Variants in SERGEF observed in about 807,000 individuals in gnomAD.
The protein encoded by SERGEF is secretion-regulating guanine nucleotide exchange factor.
In SERGEF, 51 loss-of-function variants were observed where a neutral mutation model predicts 50.0. The observed-to-expected ratio is 1.02, with a 90% CI of 0.81 to 1.29. The LOEUF (loss-of-function observed/expected upper bound fraction) is 1.29. Ranked by LOEUF, SERGEF falls within the 50% of genes most tolerant of loss-of-function variation. The pLI is 0.00. For missense variants in SERGEF, 521 were observed against 557.0 expected, an observed-to-expected ratio of 0.94 and a Z score of 0.65; for synonymous variants, 205 against 212.4, an observed-to-expected ratio of 0.97 and a Z score of 0.30.
In SERGEF at chr11:17,991,759, G is replaced by A. The variant is rs34614478; in HGVS notation, c.685+1172C>T. Among the ~76,000 whole-genome samples, 17,404 of 152,122 alleles carry A rather than the reference G, an allele frequency of 0.11. 1,309 individuals are homozygous for A. The highest frequency in any genetic ancestry group is 0.22 in the Middle Eastern group (66 of 294). On this transcript the variant is annotated intron_variant, in intron 7 of 10. Transcript: ENST00000265965. The surrounding 1 kb of genome is among the most constrained non-coding windows in gnomAD (Gnocchi z 4.9). ...TTTAAACTTTCATATTATGGCTCCC[G>A]TGCTCTTGAAATAACAACTTCTCAG...
At chr11:17,802,304 C>T (rs1166071190) in intron 10 of SERGEF, among the ~76,000 whole-genome samples, 17 of 152,160 alleles carry the variant, frequency 1.1e-4, no homozygotes, top group Admixed American at 1.1e-3. Context: ...AATAAATACA[C>T]AAATGAAGAT....
At chr11:17,840,757 TC>T (rs1283355746) in intron 10 of SERGEF, among the ~76,000 whole-genome samples, 1 of 152,162 alleles carries the variant, frequency 6.6e-6, no homozygotes, top group African/African-American at 2.4e-5. Flanking sequence ...AGTCAGCAGC[TC>T]AGCATCCTAG....
chr11:17,818,428 C>G (rs1231523302), intron 10 of SERGEF, among the ~76,000 whole-genome samples: 1 of 152,146 alleles, frequency 6.6e-6, no homozygotes, highest in Non-Finnish European at 1.5e-5. Flanking sequence ...GGGCTCCATA[C>G]ATATGTACCT....
chr11:17,837,405 C>T (rs1401103777), intron 10 of SERGEF, among the ~76,000 whole-genome samples: 3 of 151,810 alleles, frequency 2.0e-5, no homozygotes, highest in Admixed American at 6.6e-5. Context: ...AGATCCCTAA[C>T]GAATAGTTGG....
intron 10 of SERGEF, among the ~76,000 whole-genome samples, chr11:17,808,353 A>G (rs957482691): frequency 6.6e-6 from 1 of 152,226 alleles, no homozygotes; most frequent in Non-Finnish European, 1.5e-5. Flanking sequence ...GAAGCTTCCA[A>G]TCATGGTGGA....
chr11:17,880,609 T>G (rs1354817338), intron 9 of SERGEF, among the ~76,000 whole-genome samples: 2 of 152,182 alleles, frequency 1.3e-5, no homozygotes, highest in Non-Finnish European at 2.9e-5. Flanking sequence ...TTCTTTTTCT[T>G]TTTTTCTATA....
At chr11:17,871,634 C>A (rs1851139481) in intron 10 of SERGEF, among the ~76,000 whole-genome samples, 1 of 152,040 alleles carries the variant, frequency 6.6e-6, no homozygotes, top group African/African-American at 2.4e-5. Flanking sequence ...AGTCTTCGGA[C>A]TTAAGTCTTT....
rs1353461515 is a variant in SERGEF, at chr11:18,010,238, AG to A, written c.61-2163del. 77 of 438,062 alleles carry A rather than the reference AG, an allele frequency of 1.8e-4. 1 individual carries two copies. In the South Asian group the frequency reaches 2.1e-3, roughly 12 times the overall value. 27.1% of individuals were successfully genotyped at this position (438,062 alleles called of 1,614,324 possible). A position where few individuals can be genotyped will look rare whatever the true frequency, so the allele number is the denominator to read the frequency against. ...TCCTTCCCCTTGTAGTCTATTTCAC[AG>A]CCATCCTGGGCTGCAAGGACTCAAA... On this transcript the variant is annotated intron_variant, in intron 1 of 10. Transcript: ENST00000265965.
At chr11:17,941,844 T>A (rs984061462) in intron 9 of SERGEF, among the ~76,000 whole-genome samples, 2 of 152,194 alleles carry the variant, frequency 1.3e-5, no homozygotes, top group South Asian at 4.1e-4. Flanking sequence ...TTGGGTGGTA[T>A]CTCATTGTGG....
chr11:17,877,435 C>T (rs1201390821), intron 10 of SERGEF, among the ~76,000 whole-genome samples: 3 of 152,326 alleles, frequency 2.0e-5, no homozygotes, highest in East Asian at 1.9e-4. Flanking sequence ...ATTCTATGTG[C>T]TTTACATAAC....
intron 8 of SERGEF, among the ~76,000 whole-genome samples, chr11:17,967,249 G>C (rs978890932): frequency 3.9e-5 from 6 of 152,218 alleles, no homozygotes; most frequent in Non-Finnish European, 7.3e-5. Flanking sequence ...ACCAGAGTCA[G>C]TGCCCTCAGT....
At chr11:17,896,760 G>GAAGGATAAGGGAAGGGT (rs1231571530) in intron 9 of SERGEF, among the ~76,000 whole-genome samples, 5 of 60,114 alleles carry the variant, frequency 8.3e-5, no homozygotes, top group South Asian at 7.5e-4. Flanking sequence ...AAGGGTAAGG[G>GAAGGATAAGGGAAGGGT]AAGGGAAGGG....
intron 10 of SERGEF, among the ~76,000 whole-genome samples, chr11:17,836,988 T>G (rs1469086914): frequency 6.6e-6 from 1 of 152,190 alleles, no homozygotes; most frequent in Non-Finnish European, 1.5e-5. Flanking sequence ...AATGAATGAA[T>G]CATTCAGAAA....
At position 17,948,594 on chromosome 11, in the gene SERGEF, C is replaced by T. The variant is rs1285897783; in HGVS notation, c.1011+10876G>A. Among the ~76,000 whole-genome samples, 3 of 152,174 alleles carry T rather than the reference C, an allele frequency of 2.0e-5. No individual in the cohort carries two copies. The East Asian group carries it at 5.8e-4, about 29-fold the overall frequency. On this transcript the variant is annotated intron_variant, in intron 9 of 10. Transcript: ENST00000265965. ...TTTGAAGCGAGGGACTTTCCTCAGC[C>T]AGTCTTGGGAGTGCTGCTTACAGTG...
At chr11:17,973,173 A>C (rs1318750916) in intron 8 of SERGEF, among the ~76,000 whole-genome samples, 1 of 152,144 alleles carries the variant, frequency 6.6e-6, no homozygotes, top group Non-Finnish European at 1.5e-5. Flanking sequence ...GCACGCCTAA[A>C]CCTGCAGAGG....
chr11:17,962,106 T>C (rs1278654521), intron 8 of SERGEF, among the ~76,000 whole-genome samples: 2 of 152,246 alleles, frequency 1.3e-5, no homozygotes, highest in Non-Finnish European at 2.9e-5. Context: ...GGGCCAGTGG[T>C]ATCTCCAATG....
chr11:17,936,570 A>T (rs1013091406), intron 9 of SERGEF, among the ~76,000 whole-genome samples: 2 of 152,194 alleles, frequency 1.3e-5, no homozygotes, highest in African/African-American at 4.8e-5. Flanking sequence ...ATGTTCTAAT[A>T]AAGAAGGCTG....
intron 10 of SERGEF, among the ~76,000 whole-genome samples, chr11:17,800,948 C>T (rs952505221): frequency 1.3e-5 from 2 of 152,106 alleles, no homozygotes; most frequent in African/African-American, 4.8e-5. Context: ...GTAATCCCAG[C>T]ACTTTGGGAG....
intron 9 of SERGEF, among the ~76,000 whole-genome samples, chr11:17,926,437 C>A (rs1033250540): frequency 3.3e-5 from 5 of 152,172 alleles, no homozygotes; most frequent in African/African-American, 1.2e-4. Context: ...ATGGCTAAGT[C>A]TTTCCAGTAT....
Sources: allele counts gnomAD v4.1 joint callset (sites outside exome capture counted in the v4.1 genomes callset), GRCh38; gene constraint gnomAD v4.1.1; non-coding constraint Gnocchi (gnomAD v3.1); transcripts MANE v1.5; gene names NCBI Gene and HGNC (gene_info 2026-07-23, HGNC 2026-07-21).